CCSER1: variants seen among roughly 807,000 people sequenced by gnomAD.
CCSER1 encodes coiled-coil serine rich protein 1, also known as serine-rich coiled-coil domain-containing protein 1.
A neutral mutation model predicts 82.0 loss-of-function variants in CCSER1; 41 were observed. The ratio of observed to expected loss-of-function variants is 0.50; its 90% CI spans 0.39 to 0.65. CCSER1 has a LOEUF of 0.65. Ranked by LOEUF, CCSER1 falls within the 30% of genes least tolerant of loss-of-function variation. The pLI, the probability that CCSER1 is intolerant of heterozygous loss-of-function variation, is 0.00. For synonymous variants in CCSER1, 414 were observed against 383.9 expected (o/e 1.08, Z -0.92); for missense variants, 1,119 against 1,064.2 (o/e 1.05, Z -0.72).
intron 6 of CCSER1, among the ~76,000 whole-genome samples, chr4:90,709,699 G>C (rs147553165): frequency 6.6e-6 from 1 of 152,198 alleles, no homozygotes; most frequent in South Asian, 2.1e-4. Context: ...GGGCATTTAG[G>C]TTGATTCCAT....
chr4:91,114,229 T>G (rs931749929), intron 10 of CCSER1, among the ~76,000 whole-genome samples: 2 of 152,148 alleles, frequency 1.3e-5, no homozygotes, highest in Admixed American at 6.5e-5. Context: ...CCAAGCAGCT[T>G]ATAAGCTTAT....
chr4:90,337,635 A>G (rs1301326187), intron 3 of CCSER1, among the ~76,000 whole-genome samples: 2 of 151,786 alleles, frequency 1.3e-5, no homozygotes, highest in East Asian at 3.9e-4. Flanking sequence ...TTTTTTTTAC[A>G]AGATCCCTTA....
intron 1 of CCSER1, among the ~76,000 whole-genome samples, chr4:90,262,580 C>A (rs914488330): frequency 3.3e-5 from 5 of 152,114 alleles, no homozygotes; most frequent in African/African-American, 9.7e-5. Flanking sequence ...GGATGTATCT[C>A]CGGGTAGGAA....
chr4:90,556,047 C>T (rs1778088946), intron 5 of CCSER1, among the ~76,000 whole-genome samples: 1 of 152,050 alleles, frequency 6.6e-6, no homozygotes. Context: ...CAAAAATCTC[C>T]ATCTACTATG....
intron 9 of CCSER1, among the ~76,000 whole-genome samples, chr4:91,033,614 T>C (rs967615929): frequency 6.6e-6 from 1 of 152,132 alleles, no homozygotes; most frequent in Admixed American, 6.6e-5. Context: ...AGTTTTCTAC[T>C]CACGCTATCA....
intron 10 of CCSER1, among the ~76,000 whole-genome samples, chr4:91,356,125 A>G (rs1748812967): frequency 6.6e-6 from 1 of 152,236 alleles, no homozygotes; most frequent in East Asian, 1.9e-4. Flanking sequence ...GCCCTTGGAC[A>G]TGGGGGCCAG....
intron 10 of CCSER1, among the ~76,000 whole-genome samples, chr4:91,257,506 T>C (rs1740789301): frequency 1.4e-5 from 2 of 138,680 alleles, no homozygotes; most frequent in African/African-American, 5.3e-5. Context: ...CACACACCCA[T>C]TTCTGTATAT....
chr4:91,262,881 C>T (rs1415603851), intron 10 of CCSER1, among the ~76,000 whole-genome samples: 2 of 151,818 alleles, frequency 1.3e-5, no homozygotes, highest in African/African-American at 2.4e-5. Flanking sequence ...TTCAGAAGCA[C>T]TTAATTGCTC....
At chr4:90,491,648 TG>T (rs1768037850) in intron 5 of CCSER1, among the ~76,000 whole-genome samples, 1 of 152,162 alleles carries the variant, frequency 6.6e-6, no homozygotes, top group South Asian at 2.1e-4. Flanking sequence ...ATATTGGCTC[TG>T]GGTTTGCCAT....
In CCSER1 at chr4:90,551,620, T is replaced by A. The variant is rs187548668; in HGVS notation, c.1725-76405T>A. ...CCTCAACTCTATATCCAAAGAATTTTGTGCTTCTATTTTCATTTCCCATGA... is the reference window on the plus strand; with the variant it reads ...CCTCAACTCTATATCCAAAGAATTTAGTGCTTCTATTTTCATTTCCCATGA... On this transcript the variant is annotated intron_variant, in intron 5 of 10. Transcript: ENST00000509176. 4.3e-4 allele frequency among the ~76,000 whole-genome samples: 66 copies of A among 151,772 alleles called. 1 individual carries two copies. The highest frequency in any genetic ancestry group is 1.5e-3 in the African/African-American group (61 of 41,314).
chr4:91,399,980 T>A (rs1752219863), intron 10 of CCSER1, among the ~76,000 whole-genome samples: 1 of 152,014 alleles, frequency 6.6e-6, no homozygotes, highest in South Asian at 2.1e-4. Context: ...ATCATTTCCA[T>A]TCTTCTCTCA....
At chr4:90,912,323 CTGTTCA>C (rs1726525778) in intron 8 of CCSER1, among the ~76,000 whole-genome samples, 1 of 152,220 alleles carries the variant, frequency 6.6e-6, no homozygotes, top group Admixed American at 6.5e-5. Context: ...GCAACATTTG[CTGTTCA>C]CCAATATTCG....
intron 4 of CCSER1, among the ~76,000 whole-genome samples, chr4:90,447,508 C>T (rs1232629943): frequency 6.6e-6 from 1 of 152,164 alleles, no homozygotes; most frequent in Non-Finnish European, 1.5e-5. Flanking sequence ...AAGAATATGG[C>T]TGTCTAAATA....
chr4:90,771,565 TAA>T (rs34848155), intron 7 of CCSER1, among the ~76,000 whole-genome samples: 55 of 98,272 alleles, frequency 5.6e-4, no homozygotes, highest in Non-Finnish European at 9.3e-4. Flanking sequence ...TGCCGGGCAC[TAA>T]AAAAAAAAAA....
intron 8 of CCSER1, among the ~76,000 whole-genome samples, chr4:90,910,606 G>A (rs1043019127): frequency 6.6e-6 from 1 of 152,208 alleles, no homozygotes; most frequent in Non-Finnish European, 1.5e-5. Flanking sequence ...TGCTCTCAGA[G>A]TGGTCACAGT....
At chr4:91,180,253 G>A (rs866731231) in intron 10 of CCSER1, among the ~76,000 whole-genome samples, 1 of 152,168 alleles carries the variant, frequency 6.6e-6, no homozygotes, top group South Asian at 2.1e-4. Context: ...GCTACTCAGG[G>A]GTCAGGGACT....
At chr4:91,224,081 G>T (rs1737960161) in intron 10 of CCSER1, among the ~76,000 whole-genome samples, 2 of 148,402 alleles carry the variant, frequency 1.3e-5, no homozygotes, top group Non-Finnish European at 1.5e-5. Context: ...GGCAGAAATA[G>T]TGCGGTGACT....
chr4:91,356,951 G>T (rs1456782089), intron 10 of CCSER1, among the ~76,000 whole-genome samples: 1 of 152,102 alleles, frequency 6.6e-6, no homozygotes, highest in Non-Finnish European at 1.5e-5. Flanking sequence ...CACCTTAGTG[G>T]AAGGGGGACA....
At chr4:91,398,510 T>C (rs1406709168) in intron 10 of CCSER1, among the ~76,000 whole-genome samples, 1 of 151,806 alleles carries the variant, frequency 6.6e-6, no homozygotes, top group Non-Finnish European at 1.5e-5. Context: ...TAAAAGATAA[T>C]AAAAAATAGA....
Sources: allele counts gnomAD v4.1 joint callset (sites outside exome capture counted in the v4.1 genomes callset), GRCh38; gene constraint gnomAD v4.1.1; transcripts MANE v1.5; gene names NCBI Gene and HGNC (gene_info 2026-07-23, HGNC 2026-07-21).